Variants in EDDM13 observed in about 807,000 individuals in gnomAD.
The protein encoded by EDDM13 is epididymal protein 13.
Under a neutral mutation model 17.8 loss-of-function variants are expected in EDDM13, and 24 were observed. The ratio of observed to expected loss-of-function variants is 1.35; its 90% CI spans 0.98 to 1.90. The LOEUF (loss-of-function observed/expected upper bound fraction) is 1.90, where lower values mean the gene tolerates loss of function less well. EDDM13 is among the 40% of genes most tolerant of loss of function. EDDM13 has a pLI of 0.00. For synonymous variants in EDDM13, 31 were observed against 37.5 expected (o/e 0.83, Z 0.63); for missense variants, 97 against 100.8 (o/e 0.96, Z 0.16).
intron 14 of EDDM13, among the ~76,000 whole-genome samples, chr19:56,306,382 G>A (rs113885172): frequency 1.6e-4 from 16 of 98,946 alleles, no homozygotes; most frequent in East Asian, 6.6e-4. Context: ...CCTCTCCCAC[G>A]TCGCCAGAGA....
chr19:56,278,167 G>C (rs904818618), intron 2 of EDDM13, among the ~76,000 whole-genome samples: 1 of 151,754 alleles, frequency 6.6e-6, no homozygotes, highest in Admixed American at 6.6e-5. Flanking sequence ...TGTCGCCCAG[G>C]CTGGAATACA....
intron 12 of EDDM13, among the ~76,000 whole-genome samples, chr19:56,299,444 TAA>T (rs57347831): frequency 7.0e-6 from 1 of 143,350 alleles, no homozygotes; most frequent in Non-Finnish European, 1.5e-5. Flanking sequence ...TGTTCATGAT[TAA>T]AAAAAAAAAA....
chr19:56,302,585 T>TCCTTTTCTTCCTCCCCCTC (rs2040385080), intron 13 of EDDM13, among the ~76,000 whole-genome samples: 2 of 43,772 alleles, frequency 4.6e-5, no homozygotes, highest in East Asian at 9.2e-4. Flanking sequence ...TCCTCCCCCT[T>TCCTTTTCTTCCTCCCCCTC]TTCTTCCTCT....
intron 13 of EDDM13, chr19:56,303,089 A>C (rs1288152241): frequency 2.6e-6 from 1 of 388,820 alleles, no homozygotes; most frequent in Non-Finnish European, 4.5e-6. Context: ...TAAGGACAGA[A>C]TGGAATTAGC....
rs1188335556 is a variant in EDDM13 at position 56,288,436 on chromosome 19, A to G, written c.206A>G (p.Gln69Arg). Residue 69 changes from glutamine (Q) to arginine (R), a missense_variant and splice_region_variant, in exon 7 of 15, where the codon CAA (glutamine) becomes CGA (arginine). Physicochemically the swap from Gln to Arg is conservative, Grantham distance 43. Coordinates refer to ENST00000649256, the MANE Select transcript of EDDM13 (RefSeq NM_001354658.2). Reference sequence around the variant, plus strand: ...AAGATGCCTCCCCTGGTGTCCCCGCAAGGTTAGCAACCATCACCCCCTTAT... The same window carrying G: ...AAGATGCCTCCCCTGGTGTCCCCGCGAGGTTAGCAACCATCACCCCCTTAT... ...SLKMPPLVSP[Q>R]DRTEEEIKKI... 6.6e-6 allele frequency among the ~76,000 whole-genome samples: 1 copy of G among 152,140 alleles called. No individual in the cohort carries two copies. The highest frequency in any genetic ancestry group is 1.5e-5 in the Non-Finnish European group (1 of 68,018).
intron 12 of EDDM13, among the ~76,000 whole-genome samples, chr19:56,299,665 A>G (rs1286489900): frequency 2.0e-5 from 3 of 152,222 alleles, no homozygotes; most frequent in Admixed American, 6.5e-5. Flanking sequence ...TAACCTATGA[A>G]CAGCCTCCTG....
chr19:56,276,777 T>C (rs184663851), intron 2 of EDDM13, among the ~76,000 whole-genome samples: 3 of 152,140 alleles, frequency 2.0e-5, no homozygotes, highest in African/African-American at 7.2e-5. Flanking sequence ...CCTCAGGTGA[T>C]CCGCCCACCT....
intron 12 of EDDM13, among the ~76,000 whole-genome samples, chr19:56,300,550 C>G (rs548192370): frequency 3.9e-5 from 6 of 152,196 alleles, no homozygotes; most frequent in Non-Finnish European, 8.8e-5. Flanking sequence ...AAAACACCCT[C>G]CTGGGTCATA....
At chr19:56,301,510 C>T (rs553661907) in intron 12 of EDDM13, among the ~76,000 whole-genome samples, 1 of 152,288 alleles carries the variant, frequency 6.6e-6, no homozygotes, top group East Asian at 1.9e-4. Flanking sequence ...TTGGCAGCTT[C>T]TTTACCGCAA....
intron 1 of EDDM13, among the ~76,000 whole-genome samples, chr19:56,273,973 C>T (rs1600151376): frequency 1.3e-5 from 2 of 152,094 alleles, no homozygotes; most frequent in African/African-American, 4.8e-5. Flanking sequence ...AGTTAGAAAA[C>T]GTTTTGGTCA....
Position 56,281,593 on chromosome 19 carries a change from T to C in EDDM13, c.104-100T>C, listed in dbSNP as rs906545978. ...CCATGAAGGAATAAAGAAATGCATG[T>C]AAAAATTAACAGAGATGGATGATGT... is the stretch of plus-strand genomic sequence containing the variant. On this transcript the variant is annotated intron_variant, in intron 2 of 14. Transcript: ENST00000649256. 9.7e-6 allele frequency: 6 copies of C among 616,004 alleles called. No individual in the cohort carries two copies. In the South Asian group the frequency reaches 3.6e-4, roughly 37 times the overall value. The allele number at this position is 616,004 out of a possible 1,614,324, so 38.2% of individuals were successfully genotyped here.
chr19:56,295,100 T>C (rs894840736), intron 9 of EDDM13: 3 of 152,246 alleles, frequency 2.0e-5, no homozygotes, highest in African/African-American at 4.8e-5. Context: ...TTTGTGGTGA[T>C]GGATGCACAG....
At chr19:56,298,067 C>CA (rs58825017) in intron 12 of EDDM13, 7,623 of 67,788 alleles carry the variant, frequency 0.11, 608 homozygotes, top group African/African-American at 0.29. Context: ...GAGCAAGTCT[C>CA]AAAAAAAAAA....
chr19:56,308,154 C>T (rs1419811596), intron 14 of EDDM13, among the ~76,000 whole-genome samples: 1 of 152,244 alleles, frequency 6.6e-6, no homozygotes, highest in Admixed American at 6.5e-5. Context: ...CTGCCTCAGC[C>T]TCCCAAGTAG....
intron 9 of EDDM13, among the ~76,000 whole-genome samples, chr19:56,293,127 C>G (rs2039629392): frequency 6.6e-6 from 1 of 152,164 alleles, no homozygotes; most frequent in African/African-American, 2.4e-5. Context: ...TCAGTGAAAC[C>G]CAAGACATCC....
At position 56,285,029 on chromosome 19, in the gene EDDM13, G is replaced by C. The variant is rs2039000386; in HGVS notation, c.154+5G>C. ...TGAGCAGACTGTCACCGGATGGTAA[G>C]TGTCAGGATTGTATCTTTTAAACCT... On this transcript the variant is annotated splice_donor_5th_base_variant and intron_variant, in intron 6 of 14. Transcript: ENST00000649256. 1 of 985,288 alleles carries C rather than the reference G, an allele frequency of 1.0e-6. No individual in the cohort carries two copies. Among genetic ancestry groups the C allele is most frequent in the Non-Finnish European group, 1.2e-6 (1 of 829,792 alleles). The allele number at this position is 985,288 out of a possible 1,614,324, so 61.0% of individuals were successfully genotyped here.
At chr19:56,304,226 T>C (rs986441111) in intron 13 of EDDM13, among the ~76,000 whole-genome samples, 2 of 152,170 alleles carry the variant, frequency 1.3e-5, no homozygotes, top group African/African-American at 4.8e-5. Context: ...ATGAGAGCCG[T>C]GCAGCAGTTC....
chr19:56,295,423 C>T (rs1418707908), intron 9 of EDDM13, among the ~76,000 whole-genome samples: 4 of 151,936 alleles, frequency 2.6e-5, no homozygotes, highest in Admixed American at 6.6e-5. Flanking sequence ...GTGAAACCTC[C>T]GTTTCTACTA....
intron 13 of EDDM13, among the ~76,000 whole-genome samples, chr19:56,302,666 T>C (rs2040419502): frequency 1.7e-5 from 2 of 116,750 alleles, no homozygotes; most frequent in African/African-American, 6.3e-5. Context: ...TCCCTGTTCT[T>C]TCCTTCCTCC....
Sources: allele counts gnomAD v4.1 joint callset (sites outside exome capture counted in the v4.1 genomes callset), GRCh38; gene constraint gnomAD v4.1.1; transcripts MANE v1.5; gene names NCBI Gene and HGNC (gene_info 2026-07-23, HGNC 2026-07-21).